Variants in PARD3B observed in about 807,000 individuals in gnomAD.
The protein encoded by PARD3B is partitioning defective 3 homolog B.
In PARD3B, 103 loss-of-function variants were observed where a neutral mutation model predicts 130.2. The observed-to-expected ratio is 0.79, with a 90% CI of 0.67 to 0.93. The LOEUF is 0.93. Among genes scored for constraint, PARD3B ranks in the 40% least tolerant of loss-of-function variants. PARD3B has a pLI of 0.00. For missense variants in PARD3B, 1,609 were observed against 1,499.2 expected (o/e 1.07, Z -1.21); for synonymous variants, 583 against 553.2 (o/e 1.05, Z -0.76).
At chr2:204,988,645 A>C (rs1693385956) in intron 3 of PARD3B, among the ~76,000 whole-genome samples, 1 of 152,220 alleles carries the variant, frequency 6.6e-6, no homozygotes, top group African/African-American at 2.4e-5. Flanking sequence ...TAAAAATAAA[A>C]ATAAATGAAT....
At chr2:205,529,628 T>C (rs761034407) in intron 21 of PARD3B, among the ~76,000 whole-genome samples, 3 of 152,204 alleles carry the variant, frequency 2.0e-5, no homozygotes, top group Non-Finnish European at 4.4e-5. Flanking sequence ...TTGATTATAC[T>C]TCACTTTCTT....
chr2:205,111,312 A>G (rs976203927), intron 5 of PARD3B, among the ~76,000 whole-genome samples: 8 of 152,060 alleles, frequency 5.3e-5, no homozygotes, highest in African/African-American at 1.9e-4. Flanking sequence ...AATTGCAACT[A>G]TTGTGTGTAA....
chr2:204,755,459 C>G (rs1574902190), intron 2 of PARD3B, among the ~76,000 whole-genome samples: 1 of 152,100 alleles, frequency 6.6e-6, no homozygotes, highest in Admixed American at 6.6e-5. Flanking sequence ...TCAACCAACC[C>G]AAACTCTTAC....
chr2:204,657,431 A>G (rs1245149268), intron 1 of PARD3B, among the ~76,000 whole-genome samples: 2 of 152,150 alleles, frequency 1.3e-5, no homozygotes, highest in Non-Finnish European at 2.9e-5. Context: ...ACTTGAGCCC[A>G]AGATGTTGAG....
Position 204,965,288 on chromosome 2 carries a change from G to C in PARD3B, c.359G>C (p.Gly120Ala). Reference protein sequence around the residue: ...AQLAAFKPIGGEIEVTPSALK... With the variant: ...AQLAAFKPIGAEIEVTPSALK... ...CTGGCCGCATTTAAGCCAATTGGTG[G>C]GGAGATTGAAGTAACCCCTTCTGCT... Residue 120 changes from glycine to alanine, a missense_variant, in exon 3 of 23, where the codon GGG becomes GCG. By Grantham distance (60) the Gly-to-Ala change is moderately conservative. Coordinates refer to ENST00000406610, the MANE Select transcript of PARD3B (RefSeq NM_001302769.2). 1 of 1,613,832 alleles carries C rather than the reference G, an allele frequency of 6.2e-7. No homozygotes were observed. The highest frequency in any genetic ancestry group is 8.5e-7 in the Non-Finnish European group (1 of 1,179,876).
chr2:204,985,824 G>T (rs1394320972), intron 3 of PARD3B, among the ~76,000 whole-genome samples: 1 of 152,162 alleles, frequency 6.6e-6, no homozygotes, highest in East Asian at 1.9e-4. Flanking sequence ...GGCTTAGCTA[G>T]GCGTGGTGGC....
chr2:205,105,802 G>A lies in PARD3B; in HGVS notation c.593+1288G>A, dbSNP rs888080511. ...AGAAAAAAAAAAGGCGGGGGGATAT[G>A]GGGTAGGGAGTAATAGAAAATCTTC... On this transcript the variant is annotated intron_variant, in intron 5 of 22. Coordinates refer to ENST00000406610, the MANE Select transcript of PARD3B (RefSeq NM_001302769.2). The surrounding 1 kb of genome is among the most constrained non-coding windows in gnomAD (Gnocchi z 4.0). 2.6e-5 allele frequency among the ~76,000 whole-genome samples: 4 copies of A among 151,320 alleles called. No homozygotes were observed. Among genetic ancestry groups the A allele is most frequent in the Admixed American group, 2.6e-4 (4 of 15,202 alleles).
chr2:205,544,248 A>C (rs1184560157), intron 21 of PARD3B, among the ~76,000 whole-genome samples: 1 of 151,608 alleles, frequency 6.6e-6, no homozygotes, highest in Non-Finnish European at 1.5e-5. Flanking sequence ...GCTTTTCCTA[A>C]TGCCTTTTTT....
At chr2:204,914,458 GA>G (rs1158922377) in intron 2 of PARD3B, among the ~76,000 whole-genome samples, 1 of 152,146 alleles carries the variant, frequency 6.6e-6, no homozygotes, top group Non-Finnish European at 1.5e-5. Context: ...CAGTGAGGGG[GA>G]AAGAGAGAAA....
intron 2 of PARD3B, among the ~76,000 whole-genome samples, chr2:204,688,273 C>T (rs1383997586): frequency 6.6e-6 from 1 of 151,946 alleles, no homozygotes; most frequent in African/African-American, 2.4e-5. Flanking sequence ...AATTGTGTTG[C>T]CATTTCTTCT....
At chr2:205,133,581 C>G (rs1209486462) in intron 10 of PARD3B, among the ~76,000 whole-genome samples, 3 of 152,184 alleles carry the variant, frequency 2.0e-5, no homozygotes, top group African/African-American at 7.2e-5. Context: ...AACTTAGTGG[C>G]TATTGCTGAC....
At chr2:205,042,567 T>C (rs1698469873) in intron 3 of PARD3B, among the ~76,000 whole-genome samples, 1 of 152,002 alleles carries the variant, frequency 6.6e-6, no homozygotes, top group South Asian at 2.1e-4. Context: ...TATTCCTGCA[T>C]CTAGTAGCTT....
intron 2 of PARD3B, among the ~76,000 whole-genome samples, chr2:204,750,173 C>T (rs2040404259): frequency 6.6e-6 from 1 of 152,174 alleles, no homozygotes. Flanking sequence ...ATCTCAATAA[C>T]TAAGGTTTCT....
intron 20 of PARD3B, among the ~76,000 whole-genome samples, chr2:205,479,977 A>G (rs1176936569): frequency 7.1e-6 from 1 of 141,608 alleles, no homozygotes; most frequent in Non-Finnish European, 1.5e-5. Context: ...ATCTCAGCCC[A>G]CTGCAACCTC....
intron 1 of PARD3B, among the ~76,000 whole-genome samples, chr2:204,626,620 T>C (rs188671114): frequency 6.6e-6 from 1 of 152,112 alleles, no homozygotes; most frequent in Non-Finnish European, 1.5e-5. Context: ...TGAAACAAAA[T>C]TCTAAAAATC....
chr2:205,404,547 C>T (rs1243567397), intron 19 of PARD3B, among the ~76,000 whole-genome samples: 1 of 152,124 alleles, frequency 6.6e-6, no homozygotes, highest in Admixed American at 6.6e-5. Flanking sequence ...GAACATTTTT[C>T]CCATGTCATT....
chr2:204,947,898 A>G (rs1306993561), intron 2 of PARD3B, among the ~76,000 whole-genome samples: 1 of 152,204 alleles, frequency 6.6e-6, no homozygotes, highest in African/African-American at 2.4e-5. Context: ...GAAATATCAT[A>G]ATCATAATTT....
intron 20 of PARD3B, among the ~76,000 whole-genome samples, chr2:205,485,267 G>T (rs1169362196): frequency 1.3e-5 from 2 of 152,156 alleles, no homozygotes; most frequent in Non-Finnish European, 2.9e-5. Context: ...TATTGCTGAT[G>T]CATCGTGCTT....
rs2032295179 is a variant in PARD3B at position 205,134,398 on chromosome 2, C to T, written c.1434+8661C>T. On this transcript the variant is annotated intron_variant, in intron 10 of 22. Transcript: ENST00000406610. ...AATTAGCCAGGCATGGTGGCACACA[C>T]CTGTAGTCCCAGCCACTTGGTAGGC... Among the ~76,000 whole-genome samples the T allele has an allele frequency of 2.6e-5, 4 of 152,008 alleles. No homozygotes were observed. In the South Asian group the frequency reaches 8.3e-4, roughly 32 times the overall value.
Sources: allele counts gnomAD v4.1 joint callset (sites outside exome capture counted in the v4.1 genomes callset), GRCh38; gene constraint gnomAD v4.1.1; non-coding constraint Gnocchi (gnomAD v3.1); transcripts MANE v1.5; gene names NCBI Gene and HGNC (gene_info 2026-07-23, HGNC 2026-07-21).